The following NLGN1 variants were observed in gnomAD, a reference collection of about 807,000 sequenced individuals.
The protein encoded by NLGN1 is neuroligin-1.
In NLGN1, 12 loss-of-function variants were observed where a neutral mutation model predicts 65.5. The observed-to-expected ratio is 0.18, with a 90% CI of 0.12 to 0.30. The LOEUF is 0.30. Ranked by LOEUF, NLGN1 falls within the 10% of genes least tolerant of loss-of-function variation. NLGN1 has a pLI of 1.00. For missense variants in NLGN1, 750 were observed against 1,007.1 expected, an observed-to-expected ratio of 0.74 and a Z score of 3.46; for synonymous variants, 350 against 359.5, an observed-to-expected ratio of 0.97 and a Z score of 0.30.
At chr3:174,098,872 C>T (rs1484888474) in intron 4 of NLGN1, among the ~76,000 whole-genome samples, 2 of 151,990 alleles carry the variant, frequency 1.3e-5, no homozygotes, top group Non-Finnish European at 2.9e-5. Flanking sequence ...GTGAGTAATG[C>T]CTTAAAAATG....
downstream of NLGN1, among the ~76,000 whole-genome samples, chr3:174,286,823 G>C (rs1323672122): frequency 6.6e-6 from 1 of 151,388 alleles, no homozygotes; most frequent in Non-Finnish European, 1.5e-5. Flanking sequence ...TGAATGCAGG[G>C]CAAGAATTTA....
chr3:174,184,299 G>A (rs1169390266), intron 4 of NLGN1, among the ~76,000 whole-genome samples: 2 of 151,810 alleles, frequency 1.3e-5, no homozygotes, highest in South Asian at 4.2e-4. Context: ...AAATTATTCA[G>A]TGTGTCAAAA....
intron 4 of NLGN1, among the ~76,000 whole-genome samples, chr3:174,100,364 A>T (rs1712140214): frequency 1.3e-5 from 2 of 152,126 alleles, no homozygotes; most frequent in Non-Finnish European, 1.5e-5. Context: ...TATCAATTTA[A>T]TTAAACATAT....
At chr3:174,186,233 A>G (rs866899055) in intron 4 of NLGN1, among the ~76,000 whole-genome samples, 6 of 152,062 alleles carry the variant, frequency 3.9e-5, no homozygotes, top group African/African-American at 7.2e-5. Flanking sequence ...TTTTCCTAAA[A>G]CAAACATGAC....
chr3:173,983,909 C>T (rs550847102), intron 4 of NLGN1, among the ~76,000 whole-genome samples: 8 of 152,208 alleles, frequency 5.3e-5, no homozygotes, highest in East Asian at 1.9e-4. Flanking sequence ...CTGTCTTATT[C>T]GCTGATATAT....
chr3:173,860,840 A>AG (rs541970447), intron 4 of NLGN1, among the ~76,000 whole-genome samples: 20 of 152,108 alleles, frequency 1.3e-4, no homozygotes, highest in Non-Finnish European at 2.6e-4. Flanking sequence ...CAAAATATGA[A>AG]GGGGGGGTTA....
intron 4 of NLGN1, among the ~76,000 whole-genome samples, chr3:173,918,366 G>T (rs984073679): frequency 2.0e-5 from 3 of 152,082 alleles, no homozygotes; most frequent in African/African-American, 7.2e-5. Context: ...GCCGGGCGCG[G>T]TGGCTCACAC....
At chr3:173,573,747 T>C (rs1696745741) in intron 2 of NLGN1, among the ~76,000 whole-genome samples, 1 of 151,568 alleles carries the variant, frequency 6.6e-6, no homozygotes, top group African/African-American at 2.4e-5. Flanking sequence ...AAAATTTTGA[T>C]TGTGTCAGGA....
At chr3:174,253,624 G>A (rs1745153791) in intron 4 of NLGN1, among the ~76,000 whole-genome samples, 1 of 152,164 alleles carries the variant, frequency 6.6e-6, no homozygotes, top group South Asian at 2.1e-4. Context: ...ACTGCACCCA[G>A]AACAGGACCT....
At chr3:173,763,632 A>T (rs1169085052) in intron 3 of NLGN1, among the ~76,000 whole-genome samples, 1 of 152,082 alleles carries the variant, frequency 6.6e-6, no homozygotes, top group Non-Finnish European at 1.5e-5. Context: ...AGAGTTTGAG[A>T]TTCATTAGCT....
chr3:173,683,301 C>T (rs576775405), intron 3 of NLGN1, among the ~76,000 whole-genome samples: 2 of 152,096 alleles, frequency 1.3e-5, no homozygotes, highest in Non-Finnish European at 2.9e-5. Context: ...TCCTCTTCCC[C>T]CCATGGCATA....
chr3:173,950,823 G>A (rs1227395986), intron 4 of NLGN1, among the ~76,000 whole-genome samples: 5 of 150,262 alleles, frequency 3.3e-5, no homozygotes, highest in Non-Finnish European at 5.9e-5. Context: ...AAAAAAAAAA[G>A]GTCCTAAATA....
At chr3:174,038,526 C>T (rs1484960324) in intron 4 of NLGN1, among the ~76,000 whole-genome samples, 3 of 152,106 alleles carry the variant, frequency 2.0e-5, no homozygotes, top group Non-Finnish European at 4.4e-5. Flanking sequence ...TTTACATCAT[C>T]GAAGTGCATA....
intron 2 of NLGN1, among the ~76,000 whole-genome samples, chr3:173,512,945 T>C (rs1385262283): frequency 2.0e-5 from 3 of 152,058 alleles, no homozygotes; most frequent in African/African-American, 7.2e-5. Context: ...AAGAGGAAAA[T>C]GTTTCAGTCT....
At chr3:174,179,403 T>C (rs1729985370) in intron 4 of NLGN1, among the ~76,000 whole-genome samples, 1 of 152,066 alleles carries the variant, frequency 6.6e-6, no homozygotes, top group South Asian at 2.1e-4. Flanking sequence ...AGAAAATATA[T>C]TGCAGTATTG....
intron 2 of NLGN1, among the ~76,000 whole-genome samples, chr3:173,519,050 A>T (rs1334854449): frequency 2.0e-5 from 3 of 152,156 alleles, no homozygotes; most frequent in Admixed American, 2.0e-4. Flanking sequence ...GCCATGGCTG[A>T]AAGGGGCCCA....
intron 3 of NLGN1, among the ~76,000 whole-genome samples, chr3:173,792,554 T>C (rs181599312): frequency 6.6e-6 from 1 of 152,156 alleles, no homozygotes; most frequent in Admixed American, 6.6e-5. Flanking sequence ...ATAAGAACTT[T>C]AAGGAATCAA....
At chr3:174,158,242 C>T (rs539410253) in intron 4 of NLGN1, among the ~76,000 whole-genome samples, 26 of 151,644 alleles carry the variant, frequency 1.7e-4, no homozygotes, top group Non-Finnish European at 2.8e-4. Flanking sequence ...TTCTCAAATG[C>T]GAAGAAGAAA....
At chr3:173,444,311 C>G (rs1350744949) in intron 2 of NLGN1, among the ~76,000 whole-genome samples, 1 of 152,122 alleles carries the variant, frequency 6.6e-6, no homozygotes, top group Non-Finnish European at 1.5e-5. Context: ...AACAGAAGGA[C>G]AGCAGGTAAT....
Sources: allele counts gnomAD v4.1 joint callset (sites outside exome capture counted in the v4.1 genomes callset), GRCh38; gene constraint gnomAD v4.1.1; transcripts MANE v1.5; gene names NCBI Gene and HGNC (gene_info 2026-07-23, HGNC 2026-07-21).